The following PRKG1 variants were observed in gnomAD, a reference collection of about 807,000 sequenced individuals.
PRKG1 encodes the protein protein kinase cGMP-dependent 1, also known as cGMP-dependent protein kinase 1.
PRKG1 carries 35 observed loss-of-function variants against 88.1 expected under a neutral mutation model. The ratio of observed to expected loss-of-function variants is 0.40; its 90% CI spans 0.30 to 0.53. PRKG1 has a LOEUF of 0.53. PRKG1 is among the 20% of genes least tolerant of loss of function. PRKG1 has a pLI of 0.59. For missense variants in PRKG1, 540 were observed against 839.8 expected, an observed-to-expected ratio of 0.64 and a Z score of 4.41; for synonymous variants, 303 against 292.5, an observed-to-expected ratio of 1.04 and a Z score of -0.37.
intron 3 of PRKG1, chr10:51,698,819 C>T (rs774625713): frequency 3.7e-6 from 6 of 1,614,170 alleles, no homozygotes; most frequent in Non-Finnish European, 5.1e-6. Flanking sequence ...CACAGGTCTT[C>T]TAGCCAAATG....
intron 1 of PRKG1, among the ~76,000 whole-genome samples, chr10:51,144,508 TTA>T (rs1845894247): frequency 6.6e-6 from 1 of 152,126 alleles, no homozygotes; most frequent in Non-Finnish European, 1.5e-5. Flanking sequence ...ATAATAAATA[TTA>T]ATAGTAGTAA....
chr10:51,526,000 A>G (rs1294692223), intron 3 of PRKG1, among the ~76,000 whole-genome samples: 2 of 152,086 alleles, frequency 1.3e-5, no homozygotes, highest in African/African-American at 4.8e-5. Context: ...TTGTATTTTT[A>G]GTAGAGATGG....
chr10:51,950,912 C>T (rs1246795200), intron 5 of PRKG1, among the ~76,000 whole-genome samples: 2 of 152,242 alleles, frequency 1.3e-5, no homozygotes, highest in Non-Finnish European at 2.9e-5. Context: ...AAATAACTTT[C>T]TGCAGAGAGC....
intron 2 of PRKG1, among the ~76,000 whole-genome samples, chr10:51,448,974 C>T (rs544505973): frequency 8.6e-5 from 13 of 151,906 alleles, no homozygotes; most frequent in Admixed American, 4.6e-4. Flanking sequence ...TTAAAACATG[C>T]TATGTGTCCA....
At chr10:51,644,314 C>T (rs751422046) in intron 3 of PRKG1, among the ~76,000 whole-genome samples, 5 of 152,100 alleles carry the variant, frequency 3.3e-5, no homozygotes, top group Non-Finnish European at 5.9e-5. Flanking sequence ...TAGCTATATT[C>T]GTTCTTCCTT....
intron 3 of PRKG1, among the ~76,000 whole-genome samples, chr10:51,582,289 G>A (rs1438911989): frequency 6.6e-6 from 1 of 152,130 alleles, no homozygotes; most frequent in Non-Finnish European, 1.5e-5. Flanking sequence ...TGTGACCTCT[G>A]CAGTGAGAGT....
intron 2 of PRKG1, among the ~76,000 whole-genome samples, chr10:51,218,697 G>A (rs113367444): frequency 0.018 from 2,730 of 151,422 alleles, 40 homozygotes; most frequent in Middle Eastern, 0.052. Context: ...TATTTTGTTC[G>A]TGTTAAGTGC....
At chr10:51,214,704 C>T (rs1838324165) in intron 2 of PRKG1, among the ~76,000 whole-genome samples, 1 of 152,074 alleles carries the variant, frequency 6.6e-6, no homozygotes, top group African/African-American at 2.4e-5. Flanking sequence ...TCTCAAACCG[C>T]TGAGCTCAAG....
At chr10:51,234,844 A>C (rs558192391) in intron 2 of PRKG1, among the ~76,000 whole-genome samples, 31 of 152,332 alleles carry the variant, frequency 2.0e-4, no homozygotes, top group African/African-American at 7.0e-4. Flanking sequence ...ACACAGTATA[A>C]TAACTTACGA....
rs558165438 is a variant in PRKG1 at position 51,933,367 on chromosome 10, C to T, written c.762+25797C>T. ...GATGATCTATAAGCTTCATTCCCAT[C>T]TATAATTTTATCTGGTCCCATTATT... On this transcript the variant is annotated intron_variant, in intron 5 of 17. Transcript: ENST00000373980. Among the ~76,000 whole-genome samples the T allele has an allele frequency of 2.0e-5, 3 of 152,232 alleles. No individual in the cohort carries two copies. In the South Asian group the frequency reaches 6.2e-4, roughly 32 times the overall value.
intron 2 of PRKG1, among the ~76,000 whole-genome samples, chr10:51,292,967 A>T (rs1232751127): frequency 2.0e-5 from 3 of 152,104 alleles, no homozygotes; most frequent in African/African-American, 7.2e-5. Flanking sequence ...GTTCTAGGGT[A>T]CAACTGTGCT....
chr10:51,345,855 T>C (rs967990879), intron 2 of PRKG1, among the ~76,000 whole-genome samples: 4 of 152,198 alleles, frequency 2.6e-5, no homozygotes, highest in African/African-American at 9.6e-5. Flanking sequence ...TACGGGATGA[T>C]TCAAGTCTGG....
At chr10:51,712,550 T>C (rs75169784) in intron 3 of PRKG1, among the ~76,000 whole-genome samples, 149 of 152,104 alleles carry the variant, frequency 9.8e-4, no homozygotes, top group Non-Finnish European at 1.7e-3. Flanking sequence ...CTCTGTCTTT[T>C]TTATAAATGT....
At chr10:51,111,256 A>G (rs1844972710) in intron 1 of PRKG1, among the ~76,000 whole-genome samples, 1 of 152,128 alleles carries the variant, frequency 6.6e-6, no homozygotes, top group Non-Finnish European at 1.5e-5. Context: ...AAATTAAATT[A>G]AATTATTGTT....
At chr10:51,648,069 T>A (rs571581267) in intron 3 of PRKG1, among the ~76,000 whole-genome samples, 3 of 151,734 alleles carry the variant, frequency 2.0e-5, no homozygotes, top group South Asian at 2.1e-4. Flanking sequence ...CACACACATA[T>A]GTAATGTTTA....
chr10:51,644,548 C>A (rs542481324), intron 3 of PRKG1, among the ~76,000 whole-genome samples: 7 of 152,106 alleles, frequency 4.6e-5, no homozygotes, highest in Admixed American at 4.6e-4. Context: ...GGAGCCTATT[C>A]AAGTTTTATT....
chr10:51,652,682 T>C (rs1053512140), intron 3 of PRKG1, among the ~76,000 whole-genome samples: 4 of 152,248 alleles, frequency 2.6e-5, no homozygotes, highest in Non-Finnish European at 4.4e-5. Context: ...GAATACATTG[T>C]GGAGTGATTA....
chr10:52,009,869 A>G (rs916565719), intron 5 of PRKG1, among the ~76,000 whole-genome samples: 1 of 152,142 alleles, frequency 6.6e-6, no homozygotes, highest in African/African-American at 2.4e-5. Flanking sequence ...GTAATGTTGC[A>G]CACCTACAAC....
chr10:51,095,584 A>G (rs1844508262), intron 1 of PRKG1, among the ~76,000 whole-genome samples: 1 of 152,146 alleles, frequency 6.6e-6, no homozygotes, highest in African/African-American at 2.4e-5. Flanking sequence ...AATTGCAGTT[A>G]TTTTCAGCAC....
Sources: allele counts gnomAD v4.1 joint callset (sites outside exome capture counted in the v4.1 genomes callset), GRCh38; gene constraint gnomAD v4.1.1; transcripts MANE v1.5; gene names NCBI Gene and HGNC (gene_info 2026-07-23, HGNC 2026-07-21).